Variants in ANKS1B observed in about 807,000 individuals in gnomAD.
The protein encoded by ANKS1B is ankyrin repeat and sterile alpha motif domain containing 1B, also known as ankyrin repeat and sterile alpha motif domain-containing protein 1B.
In ANKS1B, 36 loss-of-function variants were observed where a neutral mutation model predicts 148.3. That is an observed-to-expected ratio of 0.24 (90% confidence interval 0.19 to 0.32). ANKS1B has a LOEUF of 0.32. Among genes scored for constraint, ANKS1B ranks in the 10% least tolerant of loss-of-function variants. The probability of loss-of-function intolerance (pLI) is 1.00; values close to 1 mark genes in which losing one functional copy is unlikely to be tolerated. For missense variants in ANKS1B, 1,157 were observed against 1,542.6 expected, an observed-to-expected ratio of 0.75 and a Z score of 4.19; for synonymous variants, 542 against 560.8, an observed-to-expected ratio of 0.97 and a Z score of 0.47.
At chr12:98,950,626 T>A (rs2099852686) in intron 17 of ANKS1B, among the ~76,000 whole-genome samples, 1 of 150,044 alleles carries the variant, frequency 6.7e-6, no homozygotes, top group African/African-American at 2.5e-5. Flanking sequence ...ATCCAGATTT[T>A]TTAGTCCTGC....
At chr12:99,722,033 A>T (rs1368759222) in intron 8 of ANKS1B, among the ~76,000 whole-genome samples, 1 of 152,234 alleles carries the variant, frequency 6.6e-6, no homozygotes, top group Non-Finnish European at 1.5e-5. Context: ...CTTCAATTCT[A>T]TGAAGGCTGA....
At chr12:99,909,763 T>C (rs1038841955) in intron 1 of ANKS1B, among the ~76,000 whole-genome samples, 1 of 152,206 alleles carries the variant, frequency 6.6e-6, no homozygotes, top group Non-Finnish European at 1.5e-5. Context: ...CTGTAAAATA[T>C]TACCTTTGCC....
At chr12:98,807,304 C>A (rs942226661) in intron 20 of ANKS1B, among the ~76,000 whole-genome samples, 3 of 152,010 alleles carry the variant, frequency 2.0e-5, no homozygotes, top group Admixed American at 2.0e-4. Flanking sequence ...AGGCTGAGAA[C>A]CACTTTGTAG....
chr12:99,292,885 G>A (rs1030560566), intron 12 of ANKS1B, among the ~76,000 whole-genome samples: 10 of 152,144 alleles, frequency 6.6e-5, no homozygotes, highest in African/African-American at 2.4e-4. Flanking sequence ...AAATAGGAAT[G>A]CTTTTACACT....
chr12:99,469,346 C>T (rs984920989), intron 10 of ANKS1B, among the ~76,000 whole-genome samples: 2 of 151,024 alleles, frequency 1.3e-5, no homozygotes, highest in East Asian at 3.9e-4. Context: ...TGCCAAATGA[C>T]GAGTTGGTGG....
chr12:99,914,772 G>A (rs2094118679), intron 1 of ANKS1B, among the ~76,000 whole-genome samples: 2 of 152,034 alleles, frequency 1.3e-5, no homozygotes, highest in South Asian at 4.2e-4. Flanking sequence ...TGAAACCTCT[G>A]GGCCGGCAGA....
At chr12:99,133,424 TAAG>T (rs1309027302) in intron 15 of ANKS1B, among the ~76,000 whole-genome samples, 4 of 152,138 alleles carry the variant, frequency 2.6e-5, no homozygotes, top group Non-Finnish European at 5.9e-5. Context: ...TCATAAAAAA[TAAG>T]AAGAACCATC....
intron 15 of ANKS1B, among the ~76,000 whole-genome samples, chr12:99,130,152 A>G (rs867119354): frequency 6.6e-6 from 1 of 152,236 alleles, no homozygotes; most frequent in African/African-American, 2.4e-5. Flanking sequence ...TAAATGGCAC[A>G]TCAAGGTATA....
chr12:99,808,027 G>C (rs566022945), intron 3 of ANKS1B, among the ~76,000 whole-genome samples: 1 of 152,060 alleles, frequency 6.6e-6, no homozygotes, highest in Non-Finnish European at 1.5e-5. Context: ...TTTGCAAGCT[G>C]GATCTGACAA....
At chr12:99,789,442 C>A (rs915445631) in intron 4 of ANKS1B, among the ~76,000 whole-genome samples, 3 of 152,106 alleles carry the variant, frequency 2.0e-5, no homozygotes, top group African/African-American at 7.2e-5. Context: ...AACATGACCT[C>A]ACCGAATGAA....
intron 8 of ANKS1B, among the ~76,000 whole-genome samples, chr12:99,722,469 C>A (rs753547317): frequency 6.6e-6 from 1 of 152,106 alleles, no homozygotes; most frequent in Non-Finnish European, 1.5e-5. Flanking sequence ...AATAATAAAG[C>A]CTGGATGACA....
At chr12:99,650,654 A>G (rs1287422078) in intron 9 of ANKS1B, among the ~76,000 whole-genome samples, 1 of 152,186 alleles carries the variant, frequency 6.6e-6, no homozygotes, top group African/African-American at 2.4e-5. Flanking sequence ...ATGAATTTGT[A>G]GAAATTTCAA....
chr12:99,682,314 T>C (rs2098625035), intron 8 of ANKS1B, among the ~76,000 whole-genome samples: 1 of 152,234 alleles, frequency 6.6e-6, no homozygotes, highest in South Asian at 2.1e-4. Context: ...ATATACATTC[T>C]ATCCATCATC....
intron 8 of ANKS1B, among the ~76,000 whole-genome samples, chr12:99,715,205 A>T (rs1210180149): frequency 6.6e-6 from 1 of 152,174 alleles, no homozygotes; most frequent in African/African-American, 2.4e-5. Context: ...GCCCAAGCTA[A>T]GCCATCATAT....
intron 8 of ANKS1B, among the ~76,000 whole-genome samples, chr12:99,756,579 T>C (rs2061591039): frequency 6.6e-6 from 1 of 152,012 alleles, no homozygotes; most frequent in Non-Finnish European, 1.5e-5. Context: ...AAAACTACTT[T>C]AAAATGAATA....
chr12:98,765,186 T>C (rs1446733554), intron 25 of ANKS1B, among the ~76,000 whole-genome samples: 2 of 152,250 alleles, frequency 1.3e-5, no homozygotes, highest in African/African-American at 4.8e-5. Context: ...TGTGTCACCT[T>C]GTTTAATCCT....
intron 17 of ANKS1B, among the ~76,000 whole-genome samples, chr12:99,043,847 A>C (rs1477532861): frequency 1.3e-5 from 2 of 152,148 alleles, no homozygotes; most frequent in Non-Finnish European, 2.9e-5. Context: ...AACCATTATA[A>C]TTTACTTTGA....
intron 17 of ANKS1B, among the ~76,000 whole-genome samples, chr12:98,877,096 G>A (rs994906649): frequency 2.0e-5 from 3 of 152,314 alleles, no homozygotes; most frequent in Middle Eastern, 3.4e-3. Flanking sequence ...TGGGGTCTGA[G>A]TGACTCATAA....
intron 16 of ANKS1B, among the ~76,000 whole-genome samples, chr12:99,063,531 G>A (rs1599266923): frequency 1.3e-5 from 2 of 152,312 alleles, no homozygotes; most frequent in South Asian, 4.1e-4. Flanking sequence ...TTCTGACCAC[G>A]AGGCCCCAGA....
Sources: allele counts gnomAD v4.1 joint callset (sites outside exome capture counted in the v4.1 genomes callset), GRCh38; gene constraint gnomAD v4.1.1; transcripts MANE v1.5; gene names NCBI Gene and HGNC (gene_info 2026-07-23, HGNC 2026-07-21).